Variants in FGFR4 observed in about 807,000 individuals in gnomAD.
FGFR4 encodes fibroblast growth factor receptor 4.
Under a neutral mutation model 89.9 loss-of-function variants are expected in FGFR4, and 63 were observed. The ratio of observed to expected loss-of-function variants is 0.70; its 90% CI spans 0.57 to 0.86. The LOEUF is 0.86. Ranked by LOEUF, FGFR4 falls within the 40% of genes least tolerant of loss-of-function variation. The pLI is 0.00. For missense variants in FGFR4, 928 were observed against 1,106.7 expected (o/e 0.84, Z 2.29); for synonymous variants, 486 against 479.4 (o/e 1.01, Z -0.18).
chr5:177,087,604 G>A lies in FGFR4; in HGVS notation c.-54+527G>A, dbSNP rs1784196930. 4.1e-6 allele frequency: 4 copies of A among 985,474 alleles called. No individual in the cohort carries two copies. The South Asian group carries it at 1.4e-4, about 35-fold the overall frequency. The allele number at this position is 985,474 out of a possible 1,614,324, so 61.0% of individuals were successfully genotyped here. ...AGCGGTCAGCAGCCATGGGTGACTC[G>A]ACTAAGGACTCTGATATCAGGGCAG... On this transcript the variant is annotated intron_variant, in intron 1 of 17. Coordinates refer to ENST00000292408, the MANE Select transcript of FGFR4 (RefSeq NM_213647.3). This position sits in a 1 kb window ranked among gnomAD's most constrained non-coding sequence, Gnocchi z 6.1.
chr5:177,095,359 C>T lies in FGFR4; in HGVS notation c.1549C>T (p.Leu517=). 1 of 1,614,220 alleles carries T rather than the reference C, an allele frequency of 6.2e-7. No homozygotes were observed. The highest frequency in any genetic ancestry group is 1.1e-5 in the South Asian group (1 of 91,088). ...CGCCTCTGACAAGGACCTGGCCGAC[C>T]TGGTCTCGGAGATGGAGGTGATGAA... is the stretch of plus-strand genomic sequence containing the variant. The part of the protein sequence containing the change: ...DNASDKDLAD[L]VSEMEVMKLI... The change falls in exon 12 of 18, where the codon CTG becomes TTG. Residue 517 remains leucine (L), a synonymous_variant. Coordinates refer to ENST00000292408, the MANE Select transcript of FGFR4 (RefSeq NM_213647.3). This position sits in a 1 kb window ranked among gnomAD's most constrained non-coding sequence, Gnocchi z 5.7.
Position 177,092,648 on chromosome 5 carries a change from T to C in FGFR4, c.921T>C (p.Thr307=). 1 of 1,604,134 alleles carries C rather than the reference T, an allele frequency of 6.2e-7. No homozygotes were observed. Among genetic ancestry groups the C allele is most frequent in the East Asian group, 2.2e-5 (1 of 44,588 alleles). ...DGFPYVQVLK[T]ADINSSEVEV... is the part of the protein sequence containing the mutation. The stretch of plus-strand genomic sequence containing the variant: ...CCAGAGCATGTCCCCCACCCCAGAC[T>C]GCAGACATCAATAGCTCAGAGGTGG... Residue 307 remains threonine (T), a splice_region_variant and synonymous_variant, in exon 8 of 18, where the codon ACT becomes ACC. Coordinates refer to ENST00000292408, the MANE Select transcript of FGFR4 (RefSeq NM_213647.3).
At position 177,097,662 on chromosome 5, in the gene FGFR4, G is replaced by A. The variant is rs2149741121; in HGVS notation, c.2395G>A (p.Gly799Arg). The change falls in exon 18 of 18, where the codon GGG becomes AGG. Residue 799 changes from glycine to arginine, a missense_variant. Coordinates refer to ENST00000292408, the MANE Select transcript of FGFR4 (RefSeq NM_213647.3). ...ATCCAGCTCCTTCCCCTTCGGGTCT[G>A]GGGTGCAGACATGAGCAAGGCTCAA... ...LGSSSFPFGSGVQT is the reference protein window; with the variant it reads ...LGSSSFPFGSRVQT 6.2e-7 allele frequency: 1 copy of A among 1,613,886 alleles called. No individual in the cohort carries two copies. The highest frequency in any genetic ancestry group is 8.5e-7 in the Non-Finnish European group (1 of 1,179,812).
rs752579469 is a variant in FGFR4, at chr5:177,090,124, G to A, written c.92-266G>A. 620 of 641,236 alleles carry A rather than the reference G, an allele frequency of 9.7e-4. 1 individual carries two copies. The highest frequency in any genetic ancestry group is 8.1e-4 in the Non-Finnish European group (292 of 359,454). The allele number at this position is 641,236 out of a possible 1,614,324, so 39.7% of individuals were successfully genotyped here. A position where few individuals can be genotyped will look rare whatever the true frequency, so the allele number is the denominator to read the frequency against. ...TGTGTGTGTGTGTGTCCGTATGTGT[G>A]TGTGTGTATGCGTGTGTGTGTGTGT... On this transcript the variant is annotated intron_variant, in intron 2 of 17. Transcript: ENST00000292408.
Position 177,091,789 on chromosome 5 carries a change from C to A in FGFR4, c.708C>A (p.Asn236Lys), listed in dbSNP as rs1242325272. The change falls in exon 6 of 18, where the codon AAC (asparagine) becomes AAA (lysine). Residue 236 changes from asparagine to lysine, a missense_variant. This residue lies in a region of FGFR4 where 741 missense variants were observed against 836.9 expected (regional missense o/e 0.89). Transcript: ENST00000292408. ...ACGCTGTGGGCAGCATCCGCTATAA[C>A]TACCTGCTAGATGTGCTGGGTGAGC... ...VENAVGSIRYNYLLDVLERSP... is the reference protein window; with the variant it reads ...VENAVGSIRYKYLLDVLERSP... 1 of 1,614,160 alleles carries A rather than the reference C, an allele frequency of 6.2e-7. No homozygotes were observed. Among genetic ancestry groups the A allele is most frequent in the Non-Finnish European group, 8.5e-7 (1 of 1,180,014 alleles).
chr5:177,094,579 G>C (rs1176294061), intron 11 of FGFR4, among the ~76,000 whole-genome samples: 1 of 151,518 alleles, frequency 6.6e-6, no homozygotes, highest in African/African-American at 2.4e-5. Context: ...CAGCCCTTCT[G>C]CTTGCACCCA....
At chr5:177,096,378 C>T in intron 15 of FGFR4, 21 bp downstream of exon 15, 3 of 1,613,264 alleles carry the variant, frequency 1.9e-6, no homozygotes, top group South Asian at 1.1e-5. Flanking sequence ...CCGGCGGTCA[C>T]TGTCCTACCC....
chr5:177,096,713 G>T lies in FGFR4; in HGVS notation c.2125G>T (p.Asp709Tyr). ...FSLLREGHRM[D>Y]RPPHCPPELY... ...GCTGCTGCGGGAGGGACATCGGATG[G>T]ACCGACCCCCACACTGCCCCCCAGA... The change falls in exon 16 of 18, where the codon GAC (aspartate) becomes TAC (tyrosine). Residue 709 changes from aspartate (D) to tyrosine (Y), a missense_variant. Transcript: ENST00000292408. 6.3e-7 allele frequency: 1 copy of T among 1,593,972 alleles called. No homozygotes were observed.
chr5:177,096,474 G>C, intron 15 of FGFR4, 117 bp downstream of exon 15: 1 of 1,524,000 alleles, frequency 6.6e-7, no homozygotes, highest in Non-Finnish European at 9.0e-7. Context: ...TCTGGGACCC[G>C]AGTGGGCCCA....
intron 7 of FGFR4, 47 bp from the exon 8 acceptor site, chr5:177,092,599 G>A (rs371362804): frequency 7.6e-6 from 12 of 1,576,830 alleles, no homozygotes; most frequent in Middle Eastern, 1.7e-4. Flanking sequence ...TGGCCACAGT[G>A]TGGCCCCAGG....
chr5:177,088,137 C>T (rs571155934), intron 1 of FGFR4: 1 of 157,904 alleles, frequency 6.3e-6, no homozygotes, highest in Non-Finnish European at 1.4e-5. Context: ...ACTGCAAGCT[C>T]CGCCTCCCGG....
chr5:177,089,300 G>A (rs979617095), intron 1 of FGFR4, among the ~76,000 whole-genome samples: 5 of 152,178 alleles, frequency 3.3e-5, no homozygotes, highest in African/African-American at 9.7e-5. Flanking sequence ...CTGTGAACGT[G>A]TGCCAGGGTC....
Position 177,091,736 on chromosome 5 carries a change from C to G in FGFR4, c.655C>G (p.Arg219Gly). 1 of 1,614,208 alleles carries G rather than the reference C, an allele frequency of 6.2e-7. No individual in the cohort carries two copies. The highest frequency in any genetic ancestry group is 8.5e-7 in the Non-Finnish European group (1 of 1,180,036). Residue 219 changes from arginine (R) to glycine (G), a missense_variant, in exon 6 of 18, where the codon CGC becomes GGC. Arg to Gly is a moderately radical substitution (Grantham distance 125, BLOSUM62 -2). Coordinates refer to ENST00000292408, the MANE Select transcript of FGFR4 (RefSeq NM_213647.3). ...LVMESVVPSD[R>G]GTYTCLVENA... is the part of the protein sequence containing the mutation. ...GATGGAGAGCGTGGTGCCCTCGGACCGCGGCACATACACCTGCCTGGTAGA... is the reference window on the plus strand; with the variant it reads ...GATGGAGAGCGTGGTGCCCTCGGACGGCGGCACATACACCTGCCTGGTAGA...
intron 6 of FGFR4, among the ~76,000 whole-genome samples, 163 bp from the exon 7 acceptor site, chr5:177,092,158 G>A (rs1048429813): frequency 2.6e-5 from 4 of 152,200 alleles, no homozygotes; most frequent in African/African-American, 7.2e-5. Flanking sequence ...TCCTTGACCC[G>A]AAGCAATAGG....
chr5:177,091,874 G>A, intron 6 of FGFR4, 66 bp downstream of exon 6: 1 of 1,593,752 alleles, frequency 6.3e-7, no homozygotes, highest in Non-Finnish European at 8.6e-7. Flanking sequence ...CCTCTTGGTG[G>A]GGTCTAGTCT....
rs1337276444 is a variant in FGFR4 at position 177,095,991 on chromosome 5, G to C, written c.1822-66G>C. On this transcript the variant is annotated intron_variant, in intron 13 of 17. Coordinates refer to ENST00000292408, the MANE Select transcript of FGFR4 (RefSeq NM_213647.3). The surrounding 1 kb of genome is among the most constrained non-coding windows in gnomAD (Gnocchi z 5.7). ...GAGGGCCCCTGCCCCCGGGCCTGCT[G>C]GGGGGTGGTGTGTGCTCAACTCCAG... The C allele has an allele frequency of 1.3e-6, 2 of 1,564,614 alleles. No homozygotes were observed. The highest frequency in any genetic ancestry group is 1.8e-5 in the Admixed American group (1 of 54,604).
intron 11 of FGFR4, among the ~76,000 whole-genome samples, chr5:177,094,129 A>G (rs1261388248): frequency 6.6e-6 from 1 of 151,586 alleles, no homozygotes; most frequent in Non-Finnish European, 1.5e-5. Flanking sequence ...AGGAGGTGCT[A>G]TGGCATTGGG....
intron 2 of FGFR4, chr5:177,090,022 T>G: frequency 1.5e-6 from 1 of 658,598 alleles, no homozygotes. Flanking sequence ...CCAGGCAGCA[T>G]GTGTGGTATA....
rs779848143 is a variant in FGFR4, at chr5:177,096,687, C to A, written c.2099C>A (p.Ser700Ter). The A allele has an allele frequency of 6.2e-7, 1 of 1,608,120 alleles. No homozygotes were observed. Residue 700 changes from serine (S) to a stop codon, truncating the protein, a stop_gained, in exon 16 of 18, where the codon TCG (serine) becomes TAG (stop). Coordinates refer to ENST00000292408, the MANE Select transcript of FGFR4 (RefSeq NM_213647.3). LOFTEE classifies it high-confidence loss of function. ...GGCATCCCGGTGGAGGAGCTGTTCT[C>A]GCTGCTGCGGGAGGGACATCGGATG... ...YPGIPVEELF[S>*]LLREGHRMDR... is the part of the protein sequence containing the mutation.
Sources: gnomAD v4.1 joint callset for allele counts (sites outside exome capture counted in the v4.1 genomes callset) on GRCh38, gnomAD v4.1.1 for gene constraint, gnomAD v4.1.1 regional missense constraint, Gnocchi (gnomAD v3.1) non-coding constraint, MANE v1.5 for transcripts, NCBI Gene and HGNC (gene_info 2026-07-23, HGNC 2026-07-21) for gene names.